ATG10: variants seen among roughly 807,000 people sequenced by gnomAD.
ATG10 encodes autophagy related 10.
In ATG10, 30 loss-of-function variants were observed where a neutral mutation model predicts 32.1. The ratio of observed to expected loss-of-function variants is 0.94; its 90% confidence interval spans 0.70 to 1.27. The LOEUF (loss-of-function observed/expected upper bound fraction) is 1.27, where lower values mean the gene tolerates loss of function less well. ATG10 is among the 50% of genes most tolerant of loss of function. ATG10 has a pLI of 0.00. For synonymous variants in ATG10, 87 were observed against 91.5 expected, an observed-to-expected ratio of 0.95 and a Z score of 0.28; for missense variants, 233 against 262.3, an observed-to-expected ratio of 0.89 and a Z score of 0.77.
intron 3 of ATG10, among the ~76,000 whole-genome samples, chr5:82,161,474 G>A (rs142515352): frequency 6.6e-6 from 1 of 152,142 alleles, no homozygotes; most frequent in East Asian, 1.9e-4. Flanking sequence ...CACATACCTG[G>A]TGTCAACCCC....
chr5:82,126,077 TTGTC>T (rs1766266235), intron 3 of ATG10, among the ~76,000 whole-genome samples: 1 of 126,078 alleles, frequency 7.9e-6, no homozygotes. Flanking sequence ...GGCTCTCTGT[TTGTC>T]TGTTATTGGT....
chr5:82,021,656 G>A (rs1321266928), intron 2 of ATG10, among the ~76,000 whole-genome samples: 1 of 152,178 alleles, frequency 6.6e-6, no homozygotes, highest in Admixed American at 6.5e-5. Flanking sequence ...GCTGGGGCGG[G>A]TGGATCATGA....
At chr5:82,089,728 TA>T (rs1160952866) in intron 3 of ATG10, among the ~76,000 whole-genome samples, 1 of 151,780 alleles carries the variant, frequency 6.6e-6, no homozygotes, top group Non-Finnish European at 1.5e-5. Context: ...GCATGATCCA[TA>T]AAAAGAAAAA....
intron 3 of ATG10, among the ~76,000 whole-genome samples, chr5:82,068,560 T>C (rs1467502887): frequency 2.6e-5 from 4 of 151,412 alleles, no homozygotes; most frequent in African/African-American, 9.7e-5. Flanking sequence ...ATATATATAA[T>C]TCTTATCTGA....
intron 2 of ATG10, among the ~76,000 whole-genome samples, chr5:81,992,942 T>G (rs560995336): frequency 6.6e-6 from 1 of 152,290 alleles, no homozygotes; most frequent in South Asian, 2.1e-4. Context: ...TATTTTTCAG[T>G]GAGGGTGGAA....
chr5:82,061,635 C>T (rs1385455764), intron 3 of ATG10, among the ~76,000 whole-genome samples: 2 of 149,650 alleles, frequency 1.3e-5, no homozygotes, highest in African/African-American at 4.9e-5. Context: ...TAGTGAATTA[C>T]TTAGAATTGA....
intron 5 of ATG10, among the ~76,000 whole-genome samples, chr5:82,225,830 AAAC>A (rs1746110144): frequency 6.6e-6 from 1 of 152,196 alleles, no homozygotes; most frequent in South Asian, 2.1e-4. Flanking sequence ...GCAAATGCAA[AAAC>A]AAACATTTGG....
chr5:82,070,396 T>G (rs1431310077), intron 3 of ATG10, among the ~76,000 whole-genome samples: 1 of 152,172 alleles, frequency 6.6e-6, no homozygotes, highest in Non-Finnish European at 1.5e-5. Context: ...TATTAATTGT[T>G]CTCTTTCCAA....
chr5:82,124,458 C>A (rs1766178542), intron 3 of ATG10, among the ~76,000 whole-genome samples: 1 of 151,708 alleles, frequency 6.6e-6, no homozygotes, highest in South Asian at 2.1e-4. Context: ...TTGTCCCCCA[C>A]CCCCAAACAG....
At chr5:82,186,583 T>C (rs1744450785) in intron 5 of ATG10, among the ~76,000 whole-genome samples, 1 of 141,456 alleles carries the variant, frequency 7.1e-6, no homozygotes, top group Non-Finnish European at 1.5e-5. Context: ...CAGGGTACTT[T>C]CCATATTCAT....
chr5:82,039,136 G>A (rs528913460), intron 2 of ATG10, among the ~76,000 whole-genome samples: 8 of 152,268 alleles, frequency 5.3e-5, no homozygotes, highest in African/African-American at 7.2e-5. Context: ...ATGAGCCACC[G>A]TGCCTGGCCC....
chr5:82,220,930 G>A (rs903156811), intron 5 of ATG10, among the ~76,000 whole-genome samples: 1 of 152,004 alleles, frequency 6.6e-6, no homozygotes, highest in African/African-American at 2.4e-5. Flanking sequence ...GCTAATTTTT[G>A]TATTTTTAGT....
chr5:82,230,751 A>AAT (rs1308436929), intron 5 of ATG10, among the ~76,000 whole-genome samples: 24 of 151,104 alleles, frequency 1.6e-4, no homozygotes, highest in Non-Finnish European at 2.9e-5. Context: ...AAAAAAAAAA[A>AAT]AAAAAAGTAT....
intron 2 of ATG10, among the ~76,000 whole-genome samples, chr5:81,999,712 C>T (rs770976045): frequency 1.5e-4 from 23 of 151,852 alleles, no homozygotes; most frequent in African/African-American, 2.4e-4. Flanking sequence ...TTACCATTGA[C>T]CACACAGAAA....
chr5:82,077,846 T>C (rs1317113567), intron 3 of ATG10, among the ~76,000 whole-genome samples: 1 of 152,244 alleles, frequency 6.6e-6, no homozygotes, highest in African/African-American at 2.4e-5. Context: ...TTCTTTATAC[T>C]TCATAGATTT....
At chr5:82,206,555 C>G (rs1745308145) in intron 5 of ATG10, among the ~76,000 whole-genome samples, 1 of 151,078 alleles carries the variant, frequency 6.6e-6, no homozygotes, top group Non-Finnish European at 1.5e-5. Flanking sequence ...GAGGCTGAGG[C>G]AGGAGAATCA....
intron 2 of ATG10, among the ~76,000 whole-genome samples, chr5:82,034,288 A>T (rs913875365): frequency 2.0e-5 from 3 of 151,954 alleles, no homozygotes; most frequent in Non-Finnish European, 4.4e-5. Context: ...CAAGACAAAA[A>T]CCCAGTGTTA....
chr5:81,994,277 A>G (rs963018652), intron 2 of ATG10, among the ~76,000 whole-genome samples: 4 of 152,154 alleles, frequency 2.6e-5, no homozygotes, highest in African/African-American at 7.2e-5. Context: ...GCTTCCTGCT[A>G]CCTTTCTAGC....
At chr5:82,093,921 C>G (rs185955489) in intron 3 of ATG10, among the ~76,000 whole-genome samples, 19 of 152,238 alleles carry the variant, frequency 1.2e-4, no homozygotes, top group Admixed American at 1.2e-3. Context: ...CCATGACTTA[C>G]GACTGGTGAG....
Sources: gnomAD v4.1 joint callset for allele counts (sites outside exome capture counted in the v4.1 genomes callset) on GRCh38, gnomAD v4.1.1 for gene constraint, MANE v1.5 for transcripts, NCBI Gene and HGNC (gene_info 2026-07-23, HGNC 2026-07-21) for gene names.